Variants in PATJ observed in about 807,000 individuals in gnomAD.
PATJ encodes inaD-like protein.
A neutral mutation model predicts 224.9 loss-of-function variants in PATJ; 190 were observed. The ratio of observed to expected loss-of-function variants is 0.84; its 90% CI spans 0.75 to 0.95. The LOEUF (loss-of-function observed/expected upper bound fraction) is 0.95. PATJ is among the 40% of genes least tolerant of loss of function. The probability of loss-of-function intolerance (pLI) is 0.00; values close to 1 mark genes in which losing one functional copy is unlikely to be tolerated. For missense variants in PATJ, 2,121 were observed against 2,270.3 expected (o/e 0.93, Z 1.34); for synonymous variants, 769 against 820.3 (o/e 0.94, Z 1.07).
intron 17 of PATJ, among the ~76,000 whole-genome samples, chr1:61,837,284 G>T (rs576223618): frequency 6.6e-6 from 1 of 152,192 alleles, no homozygotes; most frequent in South Asian, 2.1e-4. Flanking sequence ...CTCAAAGATG[G>T]CACCACACTA....
At chr1:61,877,343 A>T (rs1396513556) in intron 21 of PATJ, among the ~76,000 whole-genome samples, 2 of 149,568 alleles carry the variant, frequency 1.3e-5, no homozygotes, top group Non-Finnish European at 3.0e-5. Flanking sequence ...TTGTTATTCC[A>T]TTCTTGCATC....
chr1:61,792,123 C>T (rs530569454), intron 9 of PATJ, among the ~76,000 whole-genome samples: 1 of 151,892 alleles, frequency 6.6e-6, no homozygotes, highest in Middle Eastern at 3.2e-3. Context: ...GAGTTCATTT[C>T]CTTAAAAAAA....
At chr1:62,106,475 A>C (rs1253576552) in intron 33 of PATJ, among the ~76,000 whole-genome samples, 1 of 150,974 alleles carries the variant, frequency 6.6e-6, no homozygotes, top group African/African-American at 2.5e-5. Flanking sequence ...AATCTCAAAA[A>C]AAATTTTTTA....
At chr1:61,800,013 C>G (rs1652143425) in intron 11 of PATJ, among the ~76,000 whole-genome samples, 1 of 152,146 alleles carries the variant, frequency 6.6e-6, no homozygotes, top group Admixed American at 6.6e-5. Flanking sequence ...ACTTAGATTG[C>G]TTTCATGGCT....
chr1:61,997,988 ATGTATATATAATATAT>A (rs1351350079), intron 28 of PATJ, among the ~76,000 whole-genome samples: 3 of 106,424 alleles, frequency 2.8e-5, no homozygotes, highest in African/African-American at 1.2e-4. Flanking sequence ...CAGCTTATAT[ATGTATATATAATATAT>A]TATATATATT....
intron 26 of PATJ, among the ~76,000 whole-genome samples, chr1:61,921,216 G>A (rs1180897986): frequency 6.6e-6 from 1 of 152,030 alleles, no homozygotes; most frequent in Non-Finnish European, 1.5e-5. Flanking sequence ...CATATACATG[G>A]GGGCCAGTCA....
rs530381367 is a variant in PATJ, at chr1:61,791,559, A to G, written c.1168+112A>G. ...AATTTAAATCTTGAACAATAAAACC[A>G]TGAGTCTATACTAGCAAGCAGTCAC... On this transcript the variant is annotated intron_variant, in intron 9 of 43. Transcript: ENST00000642238. 4.2e-5 allele frequency: 27 copies of G among 640,514 alleles called. No individual in the cohort carries two copies. In the Admixed American group the frequency reaches 4.8e-4, roughly 11 times the overall value. The allele number at this position is 640,514 out of a possible 1,614,324, so 39.7% of individuals were successfully genotyped here. A position where few individuals can be genotyped will look rare whatever the true frequency, so the allele number is the denominator to read the frequency against.
At chr1:61,823,688 A>G (rs978901507) in intron 15 of PATJ, among the ~76,000 whole-genome samples, 1 of 152,238 alleles carries the variant, frequency 6.6e-6, no homozygotes, top group African/African-American at 2.4e-5. Context: ...AATAGAATCA[A>G]CCTAGTAGCT....
At chr1:62,120,938 T>C (rs1664972723) in intron 37 of PATJ, 1 of 418,278 alleles carries the variant, frequency 2.4e-6, no homozygotes, top group Non-Finnish European at 4.2e-6. Flanking sequence ...TCCACCTTGG[T>C]GATTGAAACC....
At chr1:62,149,185 T>TC (rs34257210) in intron 42 of PATJ, among the ~76,000 whole-genome samples, 111,767 of 150,294 alleles carry the variant, frequency 0.74, 42,036 homozygotes, top group African/African-American at 0.84. Context: ...AGATGCGAAT[T>TC]CCCAGGCCAC....
intron 26 of PATJ, among the ~76,000 whole-genome samples, chr1:61,925,423 A>G (rs1214064720): frequency 2.0e-5 from 3 of 152,190 alleles, no homozygotes; most frequent in Non-Finnish European, 2.9e-5. Flanking sequence ...ATTTATTCCT[A>G]CTATCAGCGA....
chr1:61,990,450 G>A (rs1644999673), intron 28 of PATJ, 86 bp downstream of exon 28: 6 of 758,968 alleles, frequency 7.9e-6, no homozygotes, highest in Non-Finnish European at 1.2e-5. Flanking sequence ...TGAAAGGGAA[G>A]AATGATGTCA....
At chr1:61,956,949 C>G (rs755096533) in intron 27 of PATJ, among the ~76,000 whole-genome samples, 1 of 152,168 alleles carries the variant, frequency 6.6e-6, no homozygotes, top group Non-Finnish European at 1.5e-5. Flanking sequence ...ATTCTTCAGT[C>G]CCCCTTGAGT....
chr1:62,048,204 T>C (rs1652887700), intron 30 of PATJ, among the ~76,000 whole-genome samples: 1 of 152,022 alleles, frequency 6.6e-6, no homozygotes, highest in Admixed American at 6.6e-5. Context: ...AAGAATCTGC[T>C]TCAACAAAAA....
intron 17 of PATJ, among the ~76,000 whole-genome samples, chr1:61,843,309 A>G (rs1451887534): frequency 2.6e-5 from 4 of 152,186 alleles, no homozygotes; most frequent in South Asian, 2.1e-4. Flanking sequence ...AAGCTCCCAA[A>G]CGTCCAGGTT....
intron 4 of PATJ, among the ~76,000 whole-genome samples, chr1:61,768,313 CA>C (rs1450446842): frequency 2.0e-5 from 3 of 151,524 alleles, no homozygotes; most frequent in Non-Finnish European, 2.9e-5. Context: ...ACTAAAAATA[CA>C]AAAAAATTAG....
intron 27 of PATJ, among the ~76,000 whole-genome samples, chr1:61,936,838 G>A (rs974865566): frequency 3.3e-5 from 5 of 152,130 alleles, no homozygotes; most frequent in Non-Finnish European, 5.9e-5. Context: ...TCCTTTCAAA[G>A]TGATGGGATT....
At chr1:62,040,164 A>G (rs971580942) in intron 30 of PATJ, among the ~76,000 whole-genome samples, 3 of 148,918 alleles carry the variant, frequency 2.0e-5, no homozygotes, top group Admixed American at 6.8e-5. Flanking sequence ...GGCGGAGTGC[A>G]GTGGTGTGAT....
chr1:61,898,412 T>C (rs1670668666), intron 22 of PATJ, among the ~76,000 whole-genome samples: 1 of 151,970 alleles, frequency 6.6e-6, no homozygotes, highest in South Asian at 2.1e-4. Context: ...CTAATTTTTT[T>C]TTTTTTTTAG....
Sources: gnomAD v4.1 joint callset for allele counts (sites outside exome capture counted in the v4.1 genomes callset) on GRCh38, gnomAD v4.1.1 for gene constraint, MANE v1.5 for transcripts, NCBI Gene and HGNC (gene_info 2026-07-23, HGNC 2026-07-21) for gene names.